Variants in LEF1 observed in about 807,000 individuals in gnomAD.
LEF1 encodes lymphoid enhancer-binding factor 1.
Under a neutral mutation model 51.2 loss-of-function variants are expected in LEF1, and 14 were observed. The ratio of observed to expected loss-of-function variants is 0.27; its 90% CI spans 0.18 to 0.43. The LOEUF (loss-of-function observed/expected upper bound fraction) is 0.43, where lower values mean the gene tolerates loss of function less well. Among genes scored for constraint, LEF1 ranks in the 20% least tolerant of loss-of-function variants. The pLI is 1.00. For synonymous variants in LEF1, 185 were observed against 183.2 expected, an observed-to-expected ratio of 1.01 and a Z score of -0.08; for missense variants, 386 against 512.0, an observed-to-expected ratio of 0.75 and a Z score of 2.37.
intron 8 of LEF1, among the ~76,000 whole-genome samples, chr4:108,075,950 G>A (rs994310356): frequency 6.6e-6 from 1 of 152,204 alleles, no homozygotes; most frequent in African/African-American, 2.4e-5. Flanking sequence ...TGGTAGAACA[G>A]CTCTGCTTCT....
intron 3 of LEF1, among the ~76,000 whole-genome samples, chr4:108,105,182 T>C (rs1213911734): frequency 5.8e-5 from 2 of 34,462 alleles, no homozygotes; most frequent in Non-Finnish European, 9.0e-5. Flanking sequence ...AAGAATCCAC[T>C]TTTTTTTTTT....
intron 3 of LEF1, among the ~76,000 whole-genome samples, chr4:108,102,410 T>G (rs1399700552): frequency 6.6e-6 from 1 of 152,150 alleles, no homozygotes; most frequent in Non-Finnish European, 1.5e-5. Context: ...GCTATGCCCT[T>G]TCTCTTCAGC....
chr4:108,099,588 A>ATATATGTGTG (rs1740657923), intron 3 of LEF1, among the ~76,000 whole-genome samples: 1 of 60,400 alleles, frequency 1.7e-5, no homozygotes. Flanking sequence ...ATATATATAT[A>ATATATGTGTG]TATATATATA....
rs1205132582 is a variant in LEF1 at position 108,168,307 on chromosome 4, G to C, written c.-540C>G. On this transcript the variant is annotated 5_prime_UTR_variant, in exon 1 of 12. Transcript: ENST00000265165. This position sits in a 1 kb window ranked among gnomAD's most constrained non-coding sequence, Gnocchi z 4.6. ...GGATCTGGGCAGAAGGGCCCCGTTT[G>C]CCCCAAAAGAAGGTGCAAGGATCAG... 6.6e-6 allele frequency: 1 copy of C among 152,334 alleles called. No individual in the cohort carries two copies. Among genetic ancestry groups the C allele is most frequent in the Non-Finnish European group, 1.5e-5 (1 of 68,180 alleles). The allele number at this position is 152,334 out of a possible 1,614,324, so 9.4% of individuals were successfully genotyped here.
At chr4:108,112,241 T>A (rs1190996116) in intron 3 of LEF1, among the ~76,000 whole-genome samples, 1 of 152,208 alleles carries the variant, frequency 6.6e-6, no homozygotes, top group Non-Finnish European at 1.5e-5. Context: ...TGTGGTCAGA[T>A]GAAGGCTGTG....
chr4:108,078,503 A>G lies in LEF1; in HGVS notation c.846-121T>C, dbSNP rs573556660. 1.3e-5 allele frequency: 16 copies of G among 1,202,700 alleles called. No homozygotes were observed. The African/African-American group carries it at 2.1e-4, about 16-fold the overall frequency. 74.5% of individuals were successfully genotyped at this position (1,202,700 alleles called of 1,614,324 possible). ...CACTCAGGATGGCGACAACCCTCTC[A>G]CCCCAGACCACCACCAACTTGGAAG... On this transcript the variant is annotated intron_variant, in intron 7 of 11. Transcript: ENST00000265165.
At chr4:108,089,312 TCTCC>T in intron 3 of LEF1, 55 bp from the exon 4 acceptor site, 1 of 1,567,852 alleles carries the variant, frequency 6.4e-7, no homozygotes, top group Non-Finnish European at 8.6e-7. Flanking sequence ...TCCAGTCTTT[TCTCC>T]CAAAGAAAAA....
intron 3 of LEF1, among the ~76,000 whole-genome samples, chr4:108,109,863 G>A (rs958006854): frequency 1.3e-5 from 2 of 152,138 alleles, no homozygotes; most frequent in African/African-American, 4.8e-5. Context: ...GGGAAGGGGG[G>A]CAGGCACAGC....
intron 3 of LEF1, among the ~76,000 whole-genome samples, chr4:108,092,889 G>T (rs1740114364): frequency 1.4e-5 from 2 of 147,122 alleles, no homozygotes; most frequent in Admixed American, 1.4e-4. Context: ...CAGGCAGCAG[G>T]GGGTGGGTAT....
chr4:108,069,644 A>G (rs1020632987), intron 9 of LEF1, among the ~76,000 whole-genome samples: 5 of 152,170 alleles, frequency 3.3e-5, no homozygotes, highest in Non-Finnish European at 7.3e-5. Context: ...TTTGGAAAGC[A>G]ATGTGACAAT....
chr4:108,079,655 G>T (rs1172284771), intron 6 of LEF1, 41 bp from the exon 7 acceptor site: 1 of 1,611,424 alleles, frequency 6.2e-7, no homozygotes, highest in Non-Finnish European at 8.5e-7. Flanking sequence ...ACTACTGGCT[G>T]TTGCAGCAAA....
At chr4:108,139,631 G>A (rs1314447098) in intron 3 of LEF1, among the ~76,000 whole-genome samples, 2 of 152,210 alleles carry the variant, frequency 1.3e-5, no homozygotes, top group African/African-American at 4.8e-5. Context: ...GGAAAACAAA[G>A]AGGAAGCAAA....
intron 3 of LEF1, among the ~76,000 whole-genome samples, chr4:108,099,502 ATATATATATG>A (rs1740608187): frequency 1.5e-5 from 2 of 137,540 alleles, no homozygotes; most frequent in Non-Finnish European, 3.2e-5. Flanking sequence ...ACATGTATGT[ATATATATATG>A]TGTATGTATA....
rs559650255 is a variant in LEF1 at position 108,054,098 on chromosome 4, C to T, written c.*7-5347G>A. 2.6e-5 allele frequency among the ~76,000 whole-genome samples: 4 copies of T among 152,272 alleles called. No homozygotes were observed. In the South Asian group the frequency reaches 8.3e-4, roughly 32 times the overall value. On this transcript the variant is annotated intron_variant, in intron 11 of 11. Transcript: ENST00000265165. ...CTGGTTAAGCACAGGGAGGTGATAA[C>T]TTGTATGGGTTAGAGTGTGGGCTCT...
intron 9 of LEF1, chr4:108,070,357 G>T: frequency 5.0e-6 from 1 of 200,650 alleles, no homozygotes; most frequent in Non-Finnish European, 9.9e-6. Context: ...TATTACTAAT[G>T]TTGCCTTTAC....
intron 3 of LEF1, among the ~76,000 whole-genome samples, chr4:108,136,709 C>T (rs1743289668): frequency 6.6e-6 from 1 of 152,128 alleles, no homozygotes; most frequent in Middle Eastern, 3.4e-3. Context: ...GTCATTTGCC[C>T]TTCAGTAAGG....
intron 3 of LEF1, among the ~76,000 whole-genome samples, chr4:108,147,500 T>C (rs144471216): frequency 2.8e-4 from 42 of 152,314 alleles, no homozygotes; most frequent in African/African-American, 9.9e-4. Context: ...ATATTTCTTT[T>C]TGAAAAATTT....
At chr4:108,116,112 G>C (rs1299189772) in intron 3 of LEF1, among the ~76,000 whole-genome samples, 1 of 152,176 alleles carries the variant, frequency 6.6e-6, no homozygotes, top group Non-Finnish European at 1.5e-5. Flanking sequence ...TAAAATAAGA[G>C]AGTCAAATCT....
rs1578419466 is a variant in LEF1 at position 108,167,937 on chromosome 4, G to C, written c.-170C>G. ...GCGCGGGGCCGCCGGCCGGCAGCCG[G>C]AGCAGCTGCCGCGGCGCCCGAATCC... On this transcript the variant is annotated 5_prime_UTR_variant, in exon 1 of 12. Transcript: ENST00000265165. The surrounding 1 kb of genome is among the most constrained non-coding windows in gnomAD (Gnocchi z 5.7). The C allele has an allele frequency of 1.0e-5, 4 of 395,328 alleles. No homozygotes were observed. Among genetic ancestry groups the C allele is most frequent in the Non-Finnish European group, 1.7e-5 (4 of 234,734 alleles). 24.5% of individuals were successfully genotyped at this position (395,328 alleles called of 1,614,324 possible). A position where few individuals can be genotyped will look rare whatever the true frequency, so the allele number is the denominator to read the frequency against.
Sources: allele counts gnomAD v4.1 joint callset (sites outside exome capture counted in the v4.1 genomes callset), GRCh38; gene constraint gnomAD v4.1.1; non-coding constraint Gnocchi (gnomAD v3.1); transcripts MANE v1.5; gene names NCBI Gene and HGNC (gene_info 2026-07-23, HGNC 2026-07-21).